Variants in DIS3L observed in about 807,000 individuals in gnomAD.
DIS3L encodes DIS3-like exonuclease 1.
In DIS3L, 100 loss-of-function variants were observed where a neutral mutation model predicts 120.3. The ratio of observed to expected loss-of-function variants is 0.83; its 90% CI spans 0.71 to 0.98. The LOEUF is 0.98. Ranked by LOEUF, DIS3L falls within the 50% of genes least tolerant of loss-of-function variation. DIS3L has a pLI of 0.00. For missense variants in DIS3L, 1,196 were observed against 1,314.2 expected, an observed-to-expected ratio of 0.91 and a Z score of 1.39; for synonymous variants, 426 against 470.6, an observed-to-expected ratio of 0.91 and a Z score of 1.23.
At chr15:66,323,037 T>C in intron 10 of DIS3L, 103 bp downstream of exon 10, 1 of 1,447,632 alleles carries the variant, frequency 6.9e-7, no homozygotes, top group Admixed American at 2.3e-5. Context: ...TGTGCAATTT[T>C]GAAGGTCCCT....
intron 6 of DIS3L, 34 bp downstream of exon 6, chr15:66,314,151 C>T: frequency 7.1e-7 from 1 of 1,406,450 alleles, no homozygotes; most frequent in Non-Finnish European, 9.3e-7. Flanking sequence ...TTTCCATACT[C>T]CTTTTTTATT....
intron 1 of DIS3L, 85 bp from the exon 2 acceptor site, chr15:66,294,903 T>G: frequency 7.3e-7 from 1 of 1,364,292 alleles, no homozygotes; most frequent in Non-Finnish European, 9.9e-7. Flanking sequence ...CTGGAAGTTA[T>G]TTTGCATGCC....
Position 66,320,727 on chromosome 15 carries a change from G to T in DIS3L, c.1321G>T (p.Ala441Ser). 1.2e-6 allele frequency: 2 copies of T among 1,611,930 alleles called. No individual in the cohort carries two copies. Among genetic ancestry groups the T allele is most frequent in the Non-Finnish European group, 1.7e-6 (2 of 1,179,292 alleles). ...TATTTCAGTTATTCCTTTCTCAGAA[G>T]CTCAGGTCAGATTTTCCAGAAGGCT... ...NSISVIPFSE[A>S]QMCEMPVNTP... is the part of the protein sequence containing the mutation. Residue 441 changes from alanine (A) to serine (S), a missense_variant, in exon 9 of 17, where the codon GCT becomes TCT. Physicochemically the swap from Ala to Ser is moderately conservative, Grantham distance 99 (BLOSUM62 1). Coordinates refer to ENST00000319212, the MANE Select transcript of DIS3L (RefSeq NM_001143688.3).
chr15:66,293,462 G>A, upstream of DIS3L: 10 of 1,224,754 alleles, frequency 8.2e-6, no homozygotes, highest in Non-Finnish European at 1.0e-5. Flanking sequence ...GGAGCGTGTA[G>A]CTCCGGGCCT....
At chr15:66,300,288 C>T (rs2092633724) in intron 2 of DIS3L, among the ~76,000 whole-genome samples, 1 of 152,128 alleles carries the variant, frequency 6.6e-6, no homozygotes, top group African/African-American at 2.4e-5. Context: ...AGCCAGAGCA[C>T]ACATAAAAAC....
chr15:66,325,080 T>A (rs897883488), intron 11 of DIS3L, among the ~76,000 whole-genome samples: 1 of 152,192 alleles, frequency 6.6e-6, no homozygotes, highest in African/African-American at 2.4e-5. Flanking sequence ...ACTCTATCAG[T>A]GTCATGCTTT....
chr15:66,323,009 G>A (rs1760071065), intron 10 of DIS3L, 75 bp downstream of exon 10: 3 of 1,550,470 alleles, frequency 1.9e-6, no homozygotes, highest in Admixed American at 1.9e-5. Flanking sequence ...AGTTTCAGGT[G>A]TTCAAAGATC....
At chr15:66,294,438 T>C (rs2092562953) in intron 1 of DIS3L, 3 of 985,890 alleles carry the variant, frequency 3.0e-6, no homozygotes, top group Non-Finnish European at 3.6e-6. Context: ...CCTCCAAACA[T>C]TGTGATTAAG....
intron 2 of DIS3L, among the ~76,000 whole-genome samples, chr15:66,302,612 T>A (rs1251529228): frequency 6.6e-6 from 1 of 152,172 alleles, no homozygotes; most frequent in East Asian, 1.9e-4. Flanking sequence ...CTGTCTGCTG[T>A]CTCGCACATT....
At chr15:66,313,095 A>G (rs563033960) in intron 5 of DIS3L, among the ~76,000 whole-genome samples, 2 of 152,236 alleles carry the variant, frequency 1.3e-5, no homozygotes, top group African/African-American at 4.8e-5. Flanking sequence ...TCCCAGGTTC[A>G]AGTGATTCTT....
chr15:66,314,175 A>G lies in DIS3L; in HGVS notation c.814+58A>G, dbSNP rs2092793684. The G allele has an allele frequency of 6.8e-6, 9 of 1,322,636 alleles. No homozygotes were observed. In the South Asian group the frequency reaches 1.3e-4, roughly 19 times the overall value. The allele number at this position is 1,322,636 out of a possible 1,614,324, so 81.9% of individuals were successfully genotyped here. A position where few individuals can be genotyped will look rare whatever the true frequency, so the allele number is the denominator to read the frequency against. On this transcript the variant is annotated intron_variant, in intron 6 of 16. Coordinates refer to ENST00000319212, the MANE Select transcript of DIS3L (RefSeq NM_001143688.3). ...TCCTTTTTTATTCTGACGTTATACA[A>G]TGAAGAAAGCAAAGTTGAAATTGTC... is the stretch of plus-strand genomic sequence containing the variant.
chr15:66,326,048 A>G lies in DIS3L; in HGVS notation c.1885A>G (p.Ile629Val), dbSNP rs145732379. The G allele has an allele frequency of 1.4e-5, 23 of 1,614,076 alleles. No homozygotes were observed. The highest frequency in any genetic ancestry group is 4.0e-5 in the African/African-American group (3 of 75,034). The part of the protein sequence containing the change: ...QAKLEELVWA[I>V]GKLTDIARHV... ...CAAGCTGGAGGAGTTGGTGTGGGCAATTGGAAAGCTGACCGACATAGCTCG... is the reference window on the plus strand; with the variant it reads ...CAAGCTGGAGGAGTTGGTGTGGGCAGTTGGAAAGCTGACCGACATAGCTCG... The change falls in exon 12 of 17, where the codon ATT becomes GTT. Residue 629 changes from isoleucine (I) to valine (V), a missense_variant. By Grantham distance (29) the Ile-to-Val change is conservative. Coordinates refer to ENST00000319212, the MANE Select transcript of DIS3L (RefSeq NM_001143688.3).
rs1011807399 is a variant in DIS3L at position 66,314,109 on chromosome 15, A to G, written c.806A>G (p.Lys269Arg). The part of the protein sequence containing the change: ...AFVRLQGASS[K>R]DSDLVSDILI... ...GTTCGACTTCAAGGAGCCAGCAGTAAAGATTCAGGTTCAGTATAAACCTTA... is the reference window on the plus strand; with the variant it reads ...GTTCGACTTCAAGGAGCCAGCAGTAGAGATTCAGGTTCAGTATAAACCTTA... Residue 269 changes from lysine to arginine, a missense_variant, in exon 6 of 17, where the codon AAA becomes AGA. Physicochemically the swap from Lys to Arg is conservative, Grantham distance 26. Coordinates refer to ENST00000319212, the MANE Select transcript of DIS3L (RefSeq NM_001143688.3). The G allele has an allele frequency of 1.3e-6, 2 of 1,516,534 alleles. No homozygotes were observed. Among genetic ancestry groups the G allele is most frequent in the Non-Finnish European group, 1.8e-6 (2 of 1,139,146 alleles). The allele number at this position is 1,516,534 out of a possible 1,614,324, so 93.9% of individuals were successfully genotyped here.
At chr15:66,305,687 G>C (rs922797800) in intron 2 of DIS3L, among the ~76,000 whole-genome samples, 1 of 151,880 alleles carries the variant, frequency 6.6e-6, no homozygotes, top group Non-Finnish European at 1.5e-5. Flanking sequence ...ACCATGCCCA[G>C]CTAATTTTTG....
intron 11 of DIS3L, among the ~76,000 whole-genome samples, chr15:66,324,040 A>G (rs1288998478): frequency 6.6e-6 from 1 of 152,194 alleles, no homozygotes; most frequent in African/African-American, 2.4e-5. Flanking sequence ...CCCAAGAGGT[A>G]TTTAATGAAA....
At chr15:66,302,641 T>C (rs1461056448) in intron 2 of DIS3L, among the ~76,000 whole-genome samples, 2 of 152,162 alleles carry the variant, frequency 1.3e-5, no homozygotes, top group African/African-American at 4.8e-5. Context: ...CTCTCGTCTC[T>C]TGGGCTCTTT....
At chr15:66,318,374 C>T in intron 7 of DIS3L, 75 bp from the exon 8 acceptor site, 1 of 1,433,660 alleles carries the variant, frequency 7.0e-7, no homozygotes, top group Non-Finnish European at 9.4e-7. Flanking sequence ...CTTTTCCTTA[C>T]TGCTTGAGGT....
At chr15:66,313,033 A>G (rs376028171) in intron 5 of DIS3L, among the ~76,000 whole-genome samples, 9 of 151,980 alleles carry the variant, frequency 5.9e-5, no homozygotes, top group Admixed American at 2.0e-4. Context: ...GTCTCGTTCT[A>G]TCACCAGGAT....
chr15:66,294,764 A>G (rs2092567306), intron 1 of DIS3L, among the ~76,000 whole-genome samples: 2 of 152,216 alleles, frequency 1.3e-5, no homozygotes, highest in African/African-American at 4.8e-5. Flanking sequence ...ACCTCTGGCA[A>G]CACCATAAAC....
Sources: allele counts gnomAD v4.1 joint callset (sites outside exome capture counted in the v4.1 genomes callset), GRCh38; gene constraint gnomAD v4.1.1; transcripts MANE v1.5; gene names NCBI Gene and HGNC (gene_info 2026-07-23, HGNC 2026-07-21).